EEF1AKMT2: variants seen among roughly 807,000 people sequenced by gnomAD.
EEF1AKMT2 encodes EEF1A lysine methyltransferase 2, also known as eukaryotic translation elongation factor 1 alpha lysine methyltransferase 2.
In EEF1AKMT2, 32 loss-of-function variants were observed where a neutral mutation model predicts 35.8. That is an observed-to-expected ratio of 0.89 (90% confidence interval 0.67 to 1.20). EEF1AKMT2 has a LOEUF of 1.20. Among genes scored for constraint, EEF1AKMT2 ranks in the 50% most tolerant of loss-of-function variants. The pLI, the probability that EEF1AKMT2 is intolerant of heterozygous loss-of-function variation, is 0.00. For synonymous variants in EEF1AKMT2, 121 were observed against 133.7 expected (o/e 0.91, Z 0.65); for missense variants, 330 against 347.5 (o/e 0.95, Z 0.40).
Position 124,759,363 on chromosome 10 carries a change from G to A in EEF1AKMT2, c.*1140C>T, listed in dbSNP as rs1950311287. The A allele has an allele frequency of 6.6e-6, 1 of 152,200 alleles. No individual in the cohort carries two copies. Among genetic ancestry groups the A allele is most frequent in the African/African-American group, 2.4e-5 (1 of 41,434 alleles). The allele number at this position is 152,200 out of a possible 1,614,324, so 9.4% of individuals were successfully genotyped here. A position where few individuals can be genotyped will look rare whatever the true frequency, so the allele number is the denominator to read the frequency against. ...ATAGAGGCAAGTCTTTGAGTAGGGA[G>A]ATGGGGAAAAGTAATGAAGGATGAT... is the stretch of plus-strand genomic sequence containing the variant. On this transcript the variant is annotated 3_prime_UTR_variant, in exon 7 of 7. Coordinates refer to ENST00000368836, the MANE Select transcript of EEF1AKMT2 (RefSeq NM_212554.4).
At chr10:124,771,769 T>C (rs1316475754) in intron 4 of EEF1AKMT2, among the ~76,000 whole-genome samples, 2 of 152,010 alleles carry the variant, frequency 1.3e-5, no homozygotes, top group African/African-American at 2.4e-5. Flanking sequence ...CTTGGGAGGC[T>C]GAGGCAGGAG....
chr10:124,757,166 CCACACACA>C (rs55709011), downstream of EEF1AKMT2, among the ~76,000 whole-genome samples: 22 of 143,268 alleles, frequency 1.5e-4, no homozygotes, highest in African/African-American at 2.8e-4. Context: ...ACACTCCCTC[CCACACACA>C]CACACACACA....
intron 4 of EEF1AKMT2, among the ~76,000 whole-genome samples, chr10:124,769,248 A>ATATATGTGTGTG (rs60863408): frequency 1.6e-5 from 1 of 63,822 alleles, no homozygotes; most frequent in Non-Finnish European, 2.9e-5. Flanking sequence ...ATATATATAT[A>ATATATGTGTGTG]TGTGTGTATA....
intron 3 of EEF1AKMT2, among the ~76,000 whole-genome samples, chr10:124,777,419 CA>C (rs1352689120): frequency 6.6e-6 from 1 of 152,048 alleles, no homozygotes; most frequent in African/African-American, 2.4e-5. Context: ...ACTTAGGCTA[CA>C]TGGTATGGCT....
chr10:124,783,137 CTTTT>C (rs34632746), intron 3 of EEF1AKMT2, among the ~76,000 whole-genome samples: 2 of 85,018 alleles, frequency 2.4e-5, no homozygotes, highest in Non-Finnish European at 4.5e-5. Flanking sequence ...AGGGAAAAAC[CTTTT>C]TTTTTTTTTT....
chr10:124,765,332 C>T, intron 5 of EEF1AKMT2, 60 bp downstream of exon 5: 1 of 1,392,604 alleles, frequency 7.2e-7, no homozygotes, highest in South Asian at 1.2e-5. Context: ...GGGGAGAAAA[C>T]CTATTTAAGT....
At chr10:124,770,844 T>C (rs1950426770) in intron 4 of EEF1AKMT2, among the ~76,000 whole-genome samples, 1 of 152,220 alleles carries the variant, frequency 6.6e-6, no homozygotes, top group Non-Finnish European at 1.5e-5. Context: ...AGCAACTCCT[T>C]ATCTGATCAA....
chr10:124,764,862 C>A (rs930597618), intron 5 of EEF1AKMT2, among the ~76,000 whole-genome samples: 1 of 152,128 alleles, frequency 6.6e-6, no homozygotes, highest in Non-Finnish European at 1.5e-5. Flanking sequence ...AGATTATATA[C>A]CTTAAATAAA....
In EEF1AKMT2 at chr10:124,765,444, T is replaced by C. The variant is rs1950370876; in HGVS notation, c.564A>G (p.Leu188=). 6.2e-7 allele frequency: 1 copy of C among 1,613,976 alleles called. No homozygotes were observed. The highest frequency in any genetic ancestry group is 1.1e-5 in the South Asian group (1 of 91,078). Reference sequence around the variant, plus strand: ...CCTTGGTCCAATTACATGACGTTATTAGAAAAAAGCCTTTTACTTTCAACA... The same window carrying C: ...CCTTGGTCCAATTACATGACGTTATCAGAAAAAAGCCTTTTACTTTCAACA... ...SRVLKVKGFF[L]ITSCNWTKEE... is the part of the protein sequence containing the mutation. Residue 188 remains leucine, a synonymous_variant, in exon 5 of 7, where the codon CTA becomes CTG. Transcript: ENST00000368836.
chr10:124,782,826 AC>A, intron 3 of EEF1AKMT2: 2 of 234,154 alleles, frequency 8.5e-6, no homozygotes, highest in Non-Finnish European at 1.8e-5. Context: ...AAAAAAAAAA[AC>A]AGAGGTAAAA....
intron 3 of EEF1AKMT2, among the ~76,000 whole-genome samples, chr10:124,778,793 G>A (rs1287677463): frequency 1.3e-5 from 2 of 150,408 alleles, no homozygotes; most frequent in East Asian, 1.9e-4. Flanking sequence ...GATACAAGGC[G>A]ACAGATTACC....
chr10:124,789,525 C>T (rs912331872), intron 2 of EEF1AKMT2, among the ~76,000 whole-genome samples: 6 of 152,162 alleles, frequency 3.9e-5, no homozygotes, highest in African/African-American at 1.2e-4. Context: ...TGGAAGGCCA[C>T]GGTGGGAGGA....
intron 3 of EEF1AKMT2, among the ~76,000 whole-genome samples, chr10:124,785,136 A>G (rs1950573682): frequency 6.7e-6 from 1 of 149,834 alleles, no homozygotes; most frequent in East Asian, 2.0e-4. Flanking sequence ...AGCCCCAGCT[A>G]CTCGGGAGGC....
At chr10:124,789,204 T>C (rs1488852809) in intron 2 of EEF1AKMT2, 47 bp from the exon 3 acceptor site, 1 of 1,263,150 alleles carries the variant, frequency 7.9e-7, no homozygotes, top group Non-Finnish European at 1.2e-6. Context: ...AGAGCAAAAG[T>C]CACCACTATA....
rs775745102 is a variant in EEF1AKMT2 at position 124,791,849 on chromosome 10, G to C, written c.-16C>G. 6.4e-6 allele frequency: 10 copies of C among 1,555,420 alleles called. No homozygotes were observed. The highest frequency in any genetic ancestry group is 1.2e-5 in the South Asian group (1 of 85,580). On this transcript the variant is annotated 5_prime_UTR_variant, in exon 1 of 7. Transcript: ENST00000368836. ...CCGAGCTCATTTCGCTCCACGTCCTGGACGGCCGTTGGGGCCGCCATAGAG... is the reference window on the plus strand; with the variant it reads ...CCGAGCTCATTTCGCTCCACGTCCTCGACGGCCGTTGGGGCCGCCATAGAG...
Position 124,758,111 on chromosome 10 carries a change from G to A in EEF1AKMT2, c.*2392C>T, listed in dbSNP as rs923139216. On this transcript the variant is annotated 3_prime_UTR_variant, in exon 7 of 7. Coordinates refer to ENST00000368836, the MANE Select transcript of EEF1AKMT2 (RefSeq NM_212554.4). ...TCCGTGAAGGCTCCACAGAGAAATCGCGTTTGCATTTCAAACAAGTTTCCT... is the reference window on the plus strand; with the variant it reads ...TCCGTGAAGGCTCCACAGAGAAATCACGTTTGCATTTCAAACAAGTTTCCT... 4 of 152,048 alleles carry A rather than the reference G, an allele frequency of 2.6e-5. No individual in the cohort carries two copies. Among genetic ancestry groups the A allele is most frequent in the South Asian group, 2.1e-4 (1 of 4,814 alleles). The allele number at this position is 152,048 out of a possible 1,614,324, so 9.4% of individuals were successfully genotyped here.
rs555331049 is a variant in EEF1AKMT2, at chr10:124,779,325, G to A, written c.292-4543C>T. Reference sequence around the variant, plus strand: ...TTTCTGTGTCTTTAGTAGACACGGGGTTTCACCATGTTGCCCAGGCTGGTC... The same window carrying A: ...TTTCTGTGTCTTTAGTAGACACGGGATTTCACCATGTTGCCCAGGCTGGTC... On this transcript the variant is annotated intron_variant, in intron 3 of 6. Coordinates refer to ENST00000368836, the MANE Select transcript of EEF1AKMT2 (RefSeq NM_212554.4). Among the ~76,000 whole-genome samples the A allele has an allele frequency of 9.9e-5, 15 of 152,242 alleles. No individual in the cohort carries two copies. In the South Asian group the frequency reaches 3.1e-3, roughly 32 times the overall value.
intron 3 of EEF1AKMT2, among the ~76,000 whole-genome samples, chr10:124,785,661 A>C (rs1950577900): frequency 6.6e-6 from 1 of 152,134 alleles, no homozygotes; most frequent in African/African-American, 2.4e-5. Context: ...CAGGAGGCCA[A>C]GGTGGGTAGA....
rs756996545 is a variant in EEF1AKMT2 at position 124,790,273 on chromosome 10, C to G, written c.176G>C (p.Trp59Ser). Residue 59 changes from tryptophan to serine, a missense_variant and splice_region_variant, in exon 2 of 7, where the codon TGG (tryptophan) becomes TCG (serine). By Grantham distance (177) the Trp-to-Ser change is radical (BLOSUM62 -3). Coordinates refer to ENST00000368836, the MANE Select transcript of EEF1AKMT2 (RefSeq NM_212554.4). ...FREYGDTGEI[W>S]FGEESMNRLI... ...TAACTTGATTCTTTTCCTAACTCAC[C>G]AGATTTCACCTGTATCTCCATATTC... 6.2e-7 allele frequency: 1 copy of G among 1,603,670 alleles called. No individual in the cohort carries two copies. The highest frequency in any genetic ancestry group is 2.2e-5 in the East Asian group (1 of 44,804).
Sources: gnomAD v4.1 joint callset for allele counts (sites outside exome capture counted in the v4.1 genomes callset) on GRCh38, gnomAD v4.1.1 for gene constraint, MANE v1.5 for transcripts, NCBI Gene and HGNC (gene_info 2026-07-23, HGNC 2026-07-21) for gene names.